The following DST variants were observed in gnomAD, a reference collection of about 807,000 sequenced individuals.
The protein encoded by DST is bullous pemphigoid antigen.
Under a neutral mutation model 875.2 loss-of-function variants are expected in DST, and 253 were observed. The ratio of observed to expected loss-of-function variants is 0.29; its 90% CI spans 0.26 to 0.32. DST has a LOEUF of 0.32. Among genes scored for constraint, DST ranks in the 10% least tolerant of loss-of-function variants. DST has a pLI of 1.00. For missense variants in DST, 8,287 were observed against 9,111.6 expected (o/e 0.91, Z 3.68); for synonymous variants, 3,124 against 3,197.1 (o/e 0.98, Z 0.77).
intron 49 of DST, among the ~76,000 whole-genome samples, chr6:56,584,633 G>C (rs1235503466): frequency 6.6e-6 from 1 of 151,598 alleles, no homozygotes; most frequent in Non-Finnish European, 1.5e-5. Flanking sequence ...ACACTATGTT[G>C]AATAGGAGTG....
chr6:56,465,824 T>C (rs1470373810), intron 99 of DST, among the ~76,000 whole-genome samples: 4 of 140,218 alleles, frequency 2.9e-5, no homozygotes, highest in Non-Finnish European at 6.1e-5. Flanking sequence ...CTAAAGAAAA[T>C]GGATTCTAGT....
chr6:56,782,864 G>C (rs1263443204), intron 4 of DST, among the ~76,000 whole-genome samples: 3 of 151,982 alleles, frequency 2.0e-5, no homozygotes, highest in Admixed American at 6.5e-5. Context: ...GGCATTTAGT[G>C]CTATAAATTT....
chr6:56,676,948 A>C (rs1324258384), intron 9 of DST, among the ~76,000 whole-genome samples: 1 of 152,100 alleles, frequency 6.6e-6, no homozygotes, highest in Admixed American at 6.5e-5. Context: ...AAGAGGAATA[A>C]ATTTCTCTTA....
At chr6:56,632,440 G>T (rs2098789175) in intron 28 of DST, among the ~76,000 whole-genome samples, 1 of 151,946 alleles carries the variant, frequency 6.6e-6, no homozygotes, top group African/African-American at 2.4e-5. Flanking sequence ...TAATAAAATT[G>T]TCTCTAATTA....
intron 2 of DST, among the ~76,000 whole-genome samples, chr6:56,905,090 T>C (rs1795792784): frequency 6.6e-6 from 1 of 152,156 alleles, no homozygotes; most frequent in Admixed American, 6.6e-5. Flanking sequence ...GCCCGGCCAA[T>C]AAGAGTTACT....
At chr6:56,843,827 C>A (rs936446229) in intron 4 of DST, among the ~76,000 whole-genome samples, 2 of 151,898 alleles carry the variant, frequency 1.3e-5, no homozygotes, top group Admixed American at 6.5e-5. Flanking sequence ...CCGGCCCCGG[C>A]GCCTCTCGGC....
chr6:56,593,531 A>AAAAAAAAAAAC, intron 48 of DST, 132 bp downstream of exon 48: 1 of 616,646 alleles, frequency 1.6e-6, no homozygotes, highest in Non-Finnish European at 2.5e-6. Context: ...AAAAAAAAAA[A>AAAAAAAAAAAC]AATAGAAGTA....
Position 56,651,237 on chromosome 6 carries a change from G to A in DST, c.1222C>T (p.Leu408=), listed in dbSNP as rs747273553. 1 of 1,595,024 alleles carries A rather than the reference G, an allele frequency of 6.3e-7. No homozygotes were observed. The highest frequency in any genetic ancestry group is 1.7e-5 in the Admixed American group (1 of 57,456). The part of the protein sequence containing the change: ...NAIIHKYRPD[L]IDMNTVAVQS... ...ACAGCAACAGTATTCATATCTATCA[G>A]GTCCGGCCTAGGAAAAAATTCACTG... Residue 408 remains leucine, a synonymous_variant, in exon 11 of 104, where the codon CTG becomes TTG. Transcript: ENST00000680361.
At chr6:56,779,691 T>C (rs2099687992) in intron 4 of DST, among the ~76,000 whole-genome samples, 1 of 151,894 alleles carries the variant, frequency 6.6e-6, no homozygotes, top group South Asian at 2.1e-4. Context: ...GATCAGATGG[T>C]TGTAGATATG....
chr6:56,756,911 A>T (rs971855056), intron 4 of DST, among the ~76,000 whole-genome samples: 6 of 152,216 alleles, frequency 3.9e-5, no homozygotes, highest in Non-Finnish European at 7.3e-5. Flanking sequence ...ACAGAGAACA[A>T]CAAAGAGTCA....
intron 55 of DST, among the ~76,000 whole-genome samples, chr6:56,564,078 T>C (rs886186977): frequency 2.0e-5 from 3 of 152,216 alleles, no homozygotes; most frequent in African/African-American, 7.2e-5. Context: ...TGGTTCCATA[T>C]GAAATTTAAA....
chr6:56,715,818 C>T (rs1279555136), intron 5 of DST, among the ~76,000 whole-genome samples: 1 of 152,148 alleles, frequency 6.6e-6, no homozygotes, highest in Admixed American at 6.5e-5. Flanking sequence ...GAACTTTGTA[C>T]CCAGGCCATT....
At chr6:56,540,464 G>T (rs1450960032) in intron 61 of DST, 1 of 152,610 alleles carries the variant, frequency 6.6e-6, no homozygotes, top group Non-Finnish European at 1.5e-5. Context: ...GCATTCTCCT[G>T]AATCATATTG....
intron 4 of DST, among the ~76,000 whole-genome samples, chr6:56,744,391 G>A (rs2099563160): frequency 6.8e-6 from 1 of 146,908 alleles, no homozygotes; most frequent in African/African-American, 2.6e-5. Context: ...AAAAAAAAAA[G>A]GTAAACATTA....
chr6:56,851,920 G>A (rs1157918504), intron 3 of DST: 3 of 1,537,050 alleles, frequency 2.0e-6, no homozygotes, highest in Admixed American at 2.1e-5. Context: ...CAACAATGAA[G>A]CCAGAATCAA....
At chr6:56,701,819 G>T in intron 8 of DST, 69 bp downstream of exon 8, 3 of 966,614 alleles carry the variant, frequency 3.1e-6, no homozygotes, top group South Asian at 1.6e-5. Flanking sequence ...GTCATTCCTT[G>T]ACATGTTTCT....
intron 58 of DST, 148 bp from the exon 59 acceptor site, chr6:56,557,666 T>A: frequency 1.5e-6 from 1 of 684,156 alleles, no homozygotes; most frequent in Non-Finnish European, 2.4e-6. Flanking sequence ...CTTAAAGGAC[T>A]AACCTACGAT....
intron 5 of DST, among the ~76,000 whole-genome samples, chr6:56,733,648 C>T (rs1192397417): frequency 6.6e-6 from 1 of 152,188 alleles, no homozygotes; most frequent in African/African-American, 2.4e-5. Flanking sequence ...GAGGCTTCTT[C>T]TGCTCCTCTG....
chr6:56,555,857 A>G lies in DST; in HGVS notation c.14641-17T>C. ...CAGCAAAATCTAAGGTAACAAGGGTAAACAAACGCAAATTATTATATAATT... is the reference window on the plus strand; with the variant it reads ...CAGCAAAATCTAAGGTAACAAGGGTGAACAAACGCAAATTATTATATAATT... On this transcript the variant is annotated splice_polypyrimidine_tract_variant and intron_variant, in intron 59 of 103. Transcript: ENST00000680361. 1 of 1,467,214 alleles carries G rather than the reference A, an allele frequency of 6.8e-7. No homozygotes were observed. Among genetic ancestry groups the G allele is most frequent in the Middle Eastern group, 1.8e-4 (1 of 5,508 alleles). 90.9% of individuals were successfully genotyped at this position (1,467,214 alleles called of 1,614,324 possible). A position where few individuals can be genotyped will look rare whatever the true frequency, so the allele number is the denominator to read the frequency against.
Sources: allele counts gnomAD v4.1 joint callset (sites outside exome capture counted in the v4.1 genomes callset), GRCh38; gene constraint gnomAD v4.1.1; transcripts MANE v1.5; gene names NCBI Gene and HGNC (gene_info 2026-07-23, HGNC 2026-07-21).